PPP2R2D: variants seen among roughly 807,000 people sequenced by gnomAD.
PPP2R2D encodes the protein serine/threonine-protein phosphatase 2A 55 kDa regulatory subunit B delta isoform.
Under a neutral mutation model 31.1 loss-of-function variants are expected in PPP2R2D, and 9 were observed. The observed-to-expected ratio is 0.29, with a 90% CI of 0.17 to 0.51. PPP2R2D has a LOEUF of 0.51. Ranked by LOEUF, PPP2R2D falls within the 20% of genes least tolerant of loss-of-function variation. The pLI is 0.98. For missense variants in PPP2R2D, 391 were observed against 465.6 expected (o/e 0.84, Z 1.48); for synonymous variants, 179 against 172.6 (o/e 1.04, Z -0.29).
intron 8 of PPP2R2D, among the ~76,000 whole-genome samples, chr10:131,949,181 A>T (rs1425734538): frequency 6.6e-6 from 1 of 152,204 alleles, no homozygotes; most frequent in East Asian, 1.9e-4. Flanking sequence ...CTCATGGCAC[A>T]GCTGGCAGCA....
At chr10:131,966,255 A>C in the PPP2R2D span, among the ~76,000 whole-genome samples, 1 of 152,218 alleles carries the variant, frequency 6.6e-6, no homozygotes, top group Non-Finnish European at 1.5e-5. Context: ...AATATCAGGT[A>C]AATAGTGGCC....
chr10:131,926,553 T>C (rs1401227208), intron 2 of PPP2R2D, among the ~76,000 whole-genome samples: 3 of 152,208 alleles, frequency 2.0e-5, no homozygotes, highest in African/African-American at 7.2e-5. Context: ...ACTTTTCTTG[T>C]CTGTCAGTTT....
chr10:131,964,112 C>T (rs1554901860), downstream of PPP2R2D, among the ~76,000 whole-genome samples: 2 of 152,238 alleles, frequency 1.3e-5, no homozygotes, highest in African/African-American at 4.8e-5. Flanking sequence ...TGCAATTATG[C>T]ATTCTGGCAA....
chr10:131,902,942 G>C (rs2035524649), intron 2 of PPP2R2D, among the ~76,000 whole-genome samples: 1 of 152,036 alleles, frequency 6.6e-6, no homozygotes, highest in South Asian at 2.1e-4. Flanking sequence ...TTGTTGTAGG[G>C]GATTTCGCCA....
chr10:131,932,184 C>T (rs782291213), intron 2 of PPP2R2D, among the ~76,000 whole-genome samples: 3 of 152,118 alleles, frequency 2.0e-5, no homozygotes, highest in Non-Finnish European at 4.4e-5. Flanking sequence ...GAGGATTGCA[C>T]AGCCAGACAG....
At position 131,901,047 on chromosome 10, in the gene PPP2R2D, C is replaced by CCGGCGGCGGCGG. The variant is rs2035482501; in HGVS notation, c.-96_-95insCGGCGGCGGCGG. On this transcript the variant is annotated 5_prime_UTR_variant, in exon 1 of 9. Coordinates refer to ENST00000455566, the MANE Select transcript of PPP2R2D (RefSeq NM_018461.5). The stretch of plus-strand genomic sequence containing the variant: ...GGCGGCGGCGGCGGCGGCGGCGGCG[C>CCGGCGGCGGCGG]CGGCGGTGGTGGCGGCCCCGGGGCT... The CCGGCGGCGGCGG allele has an allele frequency of 6.8e-6, 1 of 147,720 alleles. No individual in the cohort carries two copies. The highest frequency in any genetic ancestry group is 2.2e-4 in the South Asian group (1 of 4,624). The allele number at this position is 147,720 out of a possible 1,614,324, so 9.2% of individuals were successfully genotyped here. A position where few individuals can be genotyped will look rare whatever the true frequency, so the allele number is the denominator to read the frequency against.
intron 8 of PPP2R2D, among the ~76,000 whole-genome samples, chr10:131,949,676 G>A (rs1029131381): frequency 3.9e-5 from 6 of 152,220 alleles, no homozygotes; most frequent in Admixed American, 3.3e-4. Context: ...CCACATGACC[G>A]CTAAACGTGA....
At chr10:131,942,927 C>T (rs1260011951) in intron 5 of PPP2R2D, among the ~76,000 whole-genome samples, 4 of 152,178 alleles carry the variant, frequency 2.6e-5, no homozygotes, top group Non-Finnish European at 5.9e-5. Context: ...AGGGAAGCCT[C>T]CCTACACACA....
chr10:131,928,774 A>G (rs1401008573), intron 2 of PPP2R2D, among the ~76,000 whole-genome samples: 2 of 152,180 alleles, frequency 1.3e-5, no homozygotes, highest in East Asian at 3.9e-4. Flanking sequence ...TTCAAAAACT[A>G]TTAAGTTAGG....
downstream of PPP2R2D, among the ~76,000 whole-genome samples, chr10:131,964,666 G>GTTT (rs60096905): frequency 2.6e-3 from 343 of 133,798 alleles, 2 homozygotes; most frequent in African/African-American, 9.2e-3. Flanking sequence ...AGTTTACTAT[G>GTTT]TTTTTTTTTT....
At chr10:131,910,947 G>T (rs1217380716) in intron 2 of PPP2R2D, among the ~76,000 whole-genome samples, 1 of 152,238 alleles carries the variant, frequency 6.6e-6, no homozygotes, top group Non-Finnish European at 1.5e-5. Context: ...CCCACCCAGA[G>T]AGGACACGGG....
At chr10:131,944,416 C>T (rs1445815389) in intron 6 of PPP2R2D, among the ~76,000 whole-genome samples, 3 of 151,528 alleles carry the variant, frequency 2.0e-5, no homozygotes, top group African/African-American at 4.9e-5. Flanking sequence ...TTTAAATAGG[C>T]TACATTTGAA....
downstream of PPP2R2D, among the ~76,000 whole-genome samples, chr10:131,960,829 G>A (rs1189461696): frequency 6.6e-6 from 1 of 152,228 alleles, no homozygotes; most frequent in Non-Finnish European, 1.5e-5. Flanking sequence ...TGAGGTCAGA[G>A]CCAGCAGGAG....
intron 4 of PPP2R2D, 48 bp from the exon 5 acceptor site, chr10:131,940,534 A>G: frequency 1.4e-6 from 1 of 712,986 alleles, no homozygotes; most frequent in Non-Finnish European, 2.6e-6. Context: ...GTAGTGATGC[A>G]TGTTATAGTT....
chr10:131,958,413 G>A lies in PPP2R2D; in HGVS notation c.*2450G>A, dbSNP rs1373925471. 1 of 202,410 alleles carries A rather than the reference G, an allele frequency of 4.9e-6. No homozygotes were observed. Among genetic ancestry groups the A allele is most frequent in the African/African-American group, 2.5e-5 (1 of 39,518 alleles). The allele number at this position is 202,410 out of a possible 1,614,324, so 12.5% of individuals were successfully genotyped here. A position where few individuals can be genotyped will look rare whatever the true frequency, so the allele number is the denominator to read the frequency against. On this transcript the variant is annotated 3_prime_UTR_variant, in exon 9 of 9. Coordinates refer to ENST00000455566, the MANE Select transcript of PPP2R2D (RefSeq NM_018461.5). ...CTCATGCCCCTGTGGAGATGGAGGT[G>A]TGTGCTGATCCCCCATCCCCCTGTG... is the stretch of plus-strand genomic sequence containing the variant.
chr10:131,922,068 T>C (rs1202906374), intron 2 of PPP2R2D, among the ~76,000 whole-genome samples: 1 of 152,220 alleles, frequency 6.6e-6, no homozygotes, highest in East Asian at 1.9e-4. Flanking sequence ...CTACCTCTCA[T>C]AGACTTCAAC....
intron 2 of PPP2R2D, among the ~76,000 whole-genome samples, chr10:131,920,205 A>C (rs1554894034): frequency 7.2e-6 from 1 of 139,126 alleles, no homozygotes; most frequent in African/African-American, 2.8e-5. Flanking sequence ...GGAATGACAC[A>C]GTATAGGGAC....
intron 2 of PPP2R2D, among the ~76,000 whole-genome samples, chr10:131,903,466 CAAAAAA>C (rs1175160035): frequency 2.8e-4 from 21 of 74,432 alleles, no homozygotes; most frequent in Admixed American, 7.6e-4. Context: ...GGCTCCATCT[CAAAAAA>C]AAAAAAAAAA....
chr10:131,971,176 C>G, the PPP2R2D span: 6 of 577,332 alleles, frequency 1.0e-5, no homozygotes, highest in Non-Finnish European at 1.8e-5. Flanking sequence ...AGCACGCTCG[C>G]CGCCTCCAGG....
Sources: gnomAD v4.1 joint callset for allele counts (sites outside exome capture counted in the v4.1 genomes callset) on GRCh38, gnomAD v4.1.1 for gene constraint, MANE v1.5 for transcripts, NCBI Gene and HGNC (gene_info 2026-07-23, HGNC 2026-07-21) for gene names.